The following METTL15 variants were observed in gnomAD, a reference collection of about 807,000 sequenced individuals.
The protein encoded by METTL15 is 12S rRNA N(4)-cytidine methyltransferase METTL15.
METTL15 carries 34 observed loss-of-function variants against 38.3 expected under a neutral mutation model. The observed-to-expected ratio is 0.89, with a 90% CI of 0.68 to 1.18. METTL15 has a LOEUF of 1.18. Ranked by LOEUF, METTL15 falls within the 50% of genes most tolerant of loss-of-function variation. The probability of loss-of-function intolerance (pLI) is 0.00; values close to 1 mark genes in which losing one functional copy is unlikely to be tolerated. For missense variants in METTL15, 438 were observed against 498.4 expected (o/e 0.88, Z 1.15); for synonymous variants, 162 against 170.9 (o/e 0.95, Z 0.41).
At chr11:28,479,810 A>G (rs542690292) in intron 6 of METTL15, among the ~76,000 whole-genome samples, 1 of 152,322 alleles carries the variant, frequency 6.6e-6, no homozygotes, top group Non-Finnish European at 1.5e-5. Flanking sequence ...TTATAAGTTT[A>G]TTAAACATTT....
At chr11:28,245,335 A>G (rs560149297) in intron 4 of METTL15, among the ~76,000 whole-genome samples, 115 of 152,246 alleles carry the variant, frequency 7.6e-4, no homozygotes, top group East Asian at 6.8e-3. Flanking sequence ...CCATAAAAGG[A>G]TATTTGAAAT....
At chr11:28,398,091 G>T (rs933507701) in intron 5 of METTL15, among the ~76,000 whole-genome samples, 3 of 151,964 alleles carry the variant, frequency 2.0e-5, no homozygotes, top group Non-Finnish European at 4.4e-5. Context: ...CCTGTTGTGG[G>T]GTGGGGGGAG....
intron 3 of METTL15, among the ~76,000 whole-genome samples, chr11:28,199,604 G>A (rs1042717748): frequency 6.6e-6 from 1 of 152,024 alleles, no homozygotes; most frequent in African/African-American, 2.4e-5. Context: ...GATATGGAAG[G>A]TAGGGAAAAA....
intron 3 of METTL15, among the ~76,000 whole-genome samples, chr11:28,135,328 C>T (rs1849479655): frequency 6.6e-6 from 1 of 152,150 alleles, no homozygotes; most frequent in Non-Finnish European, 1.5e-5. Flanking sequence ...CTCTGTTCCA[C>T]AAGGAATCTC....
chr11:28,319,988 C>G (rs1216879272), intron 6 of METTL15, among the ~76,000 whole-genome samples: 1 of 152,096 alleles, frequency 6.6e-6, no homozygotes, highest in Non-Finnish European at 1.5e-5. Context: ...ATGTATAATT[C>G]TTCTTTATAG....
In METTL15 at chr11:28,327,862, T is replaced by C. The variant is rs1391233887; in HGVS notation, c.779-2534T>C. ...CTGAAAATAGTATGCAAACATTTAT[T>C]GAGCTTTCTGCCTTTCTATTTTATG... On this transcript the variant is annotated intron_variant, in intron 6 of 6. Transcript: ENST00000407364. 8 of 396,642 alleles carry C rather than the reference T, an allele frequency of 2.0e-5. No homozygotes were observed. In the Admixed American group the frequency reaches 3.3e-4, roughly 16 times the overall value. 24.6% of individuals were successfully genotyped at this position (396,642 alleles called of 1,614,324 possible).
rs1849398942 is a variant in METTL15 at position 28,133,274 on chromosome 11, C to T, written c.270+19670C>T. The stretch of plus-strand genomic sequence containing the variant: ...AGATTGTAGAATCCTCTAAAGGGAG[C>T]GTTTTTTACTACAATGGCAGGGAAT... On this transcript the variant is annotated intron_variant, in intron 3 of 6. Transcript: ENST00000407364. 2.0e-5 allele frequency among the ~76,000 whole-genome samples: 3 copies of T among 152,064 alleles called. No individual in the cohort carries two copies. The South Asian group carries it at 6.2e-4, about 32-fold the overall frequency.
chr11:28,280,877 G>C (rs1347966405), intron 4 of METTL15, among the ~76,000 whole-genome samples: 1 of 149,278 alleles, frequency 6.7e-6, no homozygotes, highest in East Asian at 1.9e-4. Flanking sequence ...GTTTTCTATA[G>C]AGCCATTTCT....
chr11:28,524,021 C>T lies in METTL15; in HGVS notation c.*425-2457C>T, dbSNP rs149135054. On this transcript the variant is annotated intron_variant and NMD_transcript_variant, in intron 6 of 7. Transcript: ENST00000532947. ...TAAAATGCGTAATTATCTGATCTAA[C>T]GTGTCAATGGTGTTGGGGTTGAAAA... Among the ~76,000 whole-genome samples, 55 of 152,304 alleles carry T rather than the reference C, an allele frequency of 3.6e-4. No homozygotes were observed. In the East Asian group the frequency reaches 9.3e-3, roughly 26 times the overall value.
rs764844846 is a variant in METTL15, at chr11:28,212,956, AT to A, written c.407+1767del. 5.3e-5 allele frequency among the ~76,000 whole-genome samples: 8 copies of A among 151,466 alleles called. No homozygotes were observed. The East Asian group carries it at 9.7e-4, about 18-fold the overall frequency. ...AAGTTTACAAATTTTACCATGTGTA[AT>A]TTTTTTTTAACCTAACAGGAACTAT... is the stretch of plus-strand genomic sequence containing the variant. On this transcript the variant is annotated intron_variant, in intron 4 of 6. Transcript: ENST00000407364.
In METTL15 at chr11:28,330,705, C is replaced by A; in HGVS notation, c.1088C>A (p.Thr363Lys). Reference sequence around the variant, plus strand: ...CAATTGGGTTCAGATCACGAAAACACGGAAGAAGTCTCTATGAGAAGAGCT... The same window carrying A: ...CAATTGGGTTCAGATCACGAAAACAAGGAAGAAGTCTCTATGAGAAGAGCT... ...TSQLGSDHEN[T>K]EEVSMRRAPL... is the part of the protein sequence containing the mutation. Residue 363 changes from threonine (T) to lysine (K), a missense_variant, in exon 7 of 7, where the codon ACG (threonine) becomes AAG (lysine). Thr to Lys is a moderately conservative substitution (Grantham distance 78, BLOSUM62 -1). Coordinates refer to ENST00000407364, the MANE Select transcript of METTL15 (RefSeq NM_001113528.2). 2 of 1,551,458 alleles carry A rather than the reference C, an allele frequency of 1.3e-6. No individual in the cohort carries two copies. The highest frequency in any genetic ancestry group is 1.7e-6 in the Non-Finnish European group (2 of 1,146,816).
chr11:28,222,336 A>G (rs1031794740), intron 4 of METTL15, among the ~76,000 whole-genome samples: 2 of 152,162 alleles, frequency 1.3e-5, no homozygotes, highest in African/African-American at 4.8e-5. Context: ...CTCCGTGGGC[A>G]TAGGACCCTC....
intron 4 of METTL15, among the ~76,000 whole-genome samples, chr11:28,237,159 T>G (rs891446930): frequency 1.3e-5 from 2 of 152,128 alleles, no homozygotes; most frequent in Admixed American, 6.5e-5. Context: ...GCCTTGCTAG[T>G]TTGGGGAAGT....
Position 28,418,606 on chromosome 11 carries a change from A to G in METTL15, c.*359-5693A>G, listed in dbSNP as rs138071040. On this transcript the variant is annotated intron_variant and NMD_transcript_variant, in intron 5 of 7. Coordinates refer to the METTL15 transcript ENST00000532947. Reference sequence around the variant, plus strand: ...CTGTCTATACAAAATAGCCCTTCATAAACGCTAAAAATCAGATGAGCAATC... The same window carrying G: ...CTGTCTATACAAAATAGCCCTTCATGAACGCTAAAAATCAGATGAGCAATC... Among the ~76,000 whole-genome samples the G allele has an allele frequency of 6.8e-3, 1,043 of 152,280 alleles. 6 individuals carry two copies. The highest frequency in any genetic ancestry group is 0.024 in the African/African-American group (977 of 41,562).
intron 5 of METTL15, among the ~76,000 whole-genome samples, chr11:28,375,467 G>C (rs1188835965): frequency 6.6e-6 from 1 of 151,810 alleles, no homozygotes; most frequent in African/African-American, 2.4e-5. Flanking sequence ...GGTGTTTGTA[G>C]TATTCTCTGA....
intron 3 of METTL15, among the ~76,000 whole-genome samples, chr11:28,204,246 G>C (rs1852224636): frequency 4.6e-5 from 7 of 151,728 alleles, no homozygotes; most frequent in Admixed American, 4.0e-4. Context: ...CTTTCATTTT[G>C]ATTCTGAACC....
At chr11:28,278,448 G>A (rs1447221506) in intron 4 of METTL15, among the ~76,000 whole-genome samples, 5 of 152,026 alleles carry the variant, frequency 3.3e-5, no homozygotes, top group African/African-American at 1.2e-4. Flanking sequence ...CCCTGTGAGG[G>A]CCCAAGATTA....
In METTL15 at chr11:28,296,813, A is replaced by T. The variant is rs769861552; in HGVS notation, c.660A>T (p.Ala220=). 6.2e-7 allele frequency: 1 copy of T among 1,613,424 alleles called. No homozygotes were observed. The highest frequency in any genetic ancestry group is 1.7e-5 in the Admixed American group (1 of 59,876). Residue 220 remains alanine (A), a synonymous_variant, in exon 6 of 7, where the codon GCA becomes GCT. Coordinates refer to ENST00000407364, the MANE Select transcript of METTL15 (RefSeq NM_001113528.2). The part of the protein sequence containing the change: ...VVNALDQQAL[A]SILRTYGEEK... ...ATGCTTTAGATCAACAGGCACTTGC[A>T]TCTATCCTAAGAACATACGGGGAGG... is the stretch of plus-strand genomic sequence containing the variant.
At chr11:28,236,461 A>G (rs948951408) in intron 4 of METTL15, among the ~76,000 whole-genome samples, 2 of 152,088 alleles carry the variant, frequency 1.3e-5, no homozygotes, top group Non-Finnish European at 2.9e-5. Context: ...TTGGTAAGCT[A>G]TTGTTTATTG....
Sources: allele counts gnomAD v4.1 joint callset (sites outside exome capture counted in the v4.1 genomes callset), GRCh38; gene constraint gnomAD v4.1.1; transcripts MANE v1.5; gene names NCBI Gene and HGNC (gene_info 2026-07-23, HGNC 2026-07-21).